The following SRBD1 variants were observed in gnomAD, a reference collection of about 807,000 sequenced individuals.
SRBD1 encodes S1 RNA-binding domain-containing protein 1.
Under a neutral mutation model 115.3 loss-of-function variants are expected in SRBD1, and 88 were observed. The ratio of observed to expected loss-of-function variants is 0.76; its 90% CI spans 0.64 to 0.91. SRBD1 has a LOEUF of 0.91. Ranked by LOEUF, SRBD1 falls within the 40% of genes least tolerant of loss-of-function variation. SRBD1 has a pLI of 0.00. For synonymous variants in SRBD1, 509 were observed against 407.7 expected (o/e 1.25, Z -2.99); for missense variants, 1,385 against 1,177.4 (o/e 1.18, Z -2.58).
intron 7 of SRBD1, among the ~76,000 whole-genome samples, chr2:45,577,711 T>C (rs530801401): frequency 3.9e-5 from 6 of 152,178 alleles, no homozygotes; most frequent in South Asian, 2.1e-4. Flanking sequence ...TCAGGAATGA[T>C]AGGAATTATG....
intron 10 of SRBD1, among the ~76,000 whole-genome samples, chr2:45,557,320 G>C (rs1474010362): frequency 2.0e-5 from 3 of 152,326 alleles, no homozygotes; most frequent in South Asian, 4.1e-4. Flanking sequence ...GACCCTAACA[G>C]AGGGATTTGT....
chr2:45,575,202 G>A (rs1299857843), intron 7 of SRBD1, among the ~76,000 whole-genome samples: 2 of 152,140 alleles, frequency 1.3e-5, no homozygotes, highest in South Asian at 2.1e-4. Context: ...TTCTATTTTG[G>A]ATTATGGGGC....
At chr2:45,579,573 G>A (rs1307826580) in intron 7 of SRBD1, among the ~76,000 whole-genome samples, 4 of 151,758 alleles carry the variant, frequency 2.6e-5, no homozygotes, top group Non-Finnish European at 5.9e-5. Context: ...GAAAAGACAA[G>A]TTACAAACTG....
At chr2:45,580,068 A>C in intron 6 of SRBD1, 55 bp from the exon 7 acceptor site, 3 of 1,402,200 alleles carry the variant, frequency 2.1e-6, no homozygotes, top group Non-Finnish European at 2.8e-6. Flanking sequence ...CAAAAGTTAA[A>C]ACTAGGTTAC....
chr2:45,523,020 A>T (rs1452502435), intron 14 of SRBD1, among the ~76,000 whole-genome samples: 1 of 152,136 alleles, frequency 6.6e-6, no homozygotes, highest in Non-Finnish European at 1.5e-5. Context: ...AATCTTAAAA[A>T]AACTTCTGGT....
chr2:45,449,876 G>A (rs898041045), intron 16 of SRBD1, among the ~76,000 whole-genome samples: 3 of 152,144 alleles, frequency 2.0e-5, no homozygotes, highest in African/African-American at 4.8e-5. Context: ...CTGAGAAGGC[G>A]AAGACCAGTG....
intron 14 of SRBD1, among the ~76,000 whole-genome samples, chr2:45,531,406 T>C (rs1349392650): frequency 6.6e-6 from 1 of 151,830 alleles, no homozygotes; most frequent in Non-Finnish European, 1.5e-5. Context: ...TTTATTACAA[T>C]AGATTTTTAA....
At chr2:45,599,178 G>A (rs1050671392) in intron 4 of SRBD1, among the ~76,000 whole-genome samples, 6 of 152,068 alleles carry the variant, frequency 3.9e-5, no homozygotes, top group Admixed American at 3.9e-4. Flanking sequence ...CCAACCAGTT[G>A]GTACAATCTG....
At chr2:45,538,998 T>A (rs977230672) in intron 14 of SRBD1, among the ~76,000 whole-genome samples, 3 of 152,092 alleles carry the variant, frequency 2.0e-5, no homozygotes, top group African/African-American at 7.2e-5. Context: ...AGGAAAGAAC[T>A]AAAAGAAACA....
intron 15 of SRBD1, among the ~76,000 whole-genome samples, chr2:45,483,317 A>G (rs1450629773): frequency 6.6e-6 from 1 of 152,120 alleles, no homozygotes; most frequent in Non-Finnish European, 1.5e-5. Context: ...TAGAGAAAAA[A>G]ATTACATTTG....
intron 16 of SRBD1, among the ~76,000 whole-genome samples, chr2:45,434,367 T>G (rs1294728557): frequency 3.3e-5 from 5 of 152,198 alleles, no homozygotes; most frequent in Non-Finnish European, 7.3e-5. Flanking sequence ...CCCAAGACAC[T>G]GTGTAACCCC....
intron 18 of SRBD1, among the ~76,000 whole-genome samples, chr2:45,414,551 TGTA>T (rs1420564851): frequency 6.6e-6 from 1 of 151,098 alleles, no homozygotes; most frequent in East Asian, 2.0e-4. Context: ...ACATAGTGTC[TGTA>T]GTGTGTGTAC....
intron 15 of SRBD1, among the ~76,000 whole-genome samples, 190 bp from the exon 16 acceptor site, chr2:45,477,265 T>C (rs142381966): frequency 6.6e-6 from 1 of 152,264 alleles, no homozygotes; most frequent in Non-Finnish European, 1.5e-5. Flanking sequence ...CAAAATTTCA[T>C]GAATTATGTC....
intron 14 of SRBD1, among the ~76,000 whole-genome samples, chr2:45,506,773 C>A (rs937687809): frequency 1.3e-5 from 2 of 152,138 alleles, no homozygotes; most frequent in Non-Finnish European, 2.9e-5. Flanking sequence ...TACTCTCACA[C>A]GTATGTTCTA....
At chr2:45,582,475 T>C (rs1209387143) in intron 5 of SRBD1, among the ~76,000 whole-genome samples, 1 of 152,226 alleles carries the variant, frequency 6.6e-6, no homozygotes, top group African/African-American at 2.4e-5. Context: ...TTTATTCCTC[T>C]TGTAATTATA....
At chr2:45,568,823 T>C (rs1323300565) in intron 9 of SRBD1, among the ~76,000 whole-genome samples, 1 of 152,250 alleles carries the variant, frequency 6.6e-6, no homozygotes, top group African/African-American at 2.4e-5. Context: ...AATGTTAGTA[T>C]ACTTAGTCAC....
In SRBD1 at chr2:45,573,329, G is replaced by A. The variant is rs1673079166; in HGVS notation, c.1183C>T (p.His395Tyr). Reference protein sequence around the residue: ...DFIRNLCQKRHVCIQSSLAKV... With the variant: ...DFIRNLCQKRYVCIQSSLAKV... ...GCCAGAGATGACTGGATACAAACAT[G>A]TCTCTTCTGGCACCTGTTCAGATAC... The change falls in exon 9 of 21, where the codon CAT (histidine) becomes TAT (tyrosine). Residue 395 changes from histidine (H) to tyrosine (Y), a missense_variant. By Grantham distance (83) the His-to-Tyr change is moderately conservative. Coordinates refer to ENST00000263736, the MANE Select transcript of SRBD1 (RefSeq NM_018079.5). 3 of 1,609,318 alleles carry A rather than the reference G, an allele frequency of 1.9e-6. No individual in the cohort carries two copies. Among genetic ancestry groups the A allele is most frequent in the Non-Finnish European group, 2.5e-6 (3 of 1,178,542 alleles).
intron 10 of SRBD1, among the ~76,000 whole-genome samples, chr2:45,559,221 A>C (rs34256563): frequency 0.026 from 3,959 of 152,292 alleles, 136 homozygotes; most frequent in Admixed American, 0.089. Flanking sequence ...GAGTGATCTT[A>C]AAATGCAATC....
intron 7 of SRBD1, 49 bp downstream of exon 7, chr2:45,579,826 A>T (rs200539923): frequency 2.7e-4 from 199 of 735,170 alleles, no homozygotes; most frequent in African/African-American, 1.9e-3. Flanking sequence ...TTTTAAATTA[A>T]AAAAAAAAAA....
Sources: gnomAD v4.1 joint callset for allele counts (sites outside exome capture counted in the v4.1 genomes callset) on GRCh38, gnomAD v4.1.1 for gene constraint, MANE v1.5 for transcripts, NCBI Gene and HGNC (gene_info 2026-07-23, HGNC 2026-07-21) for gene names.